The following NDST4 variants were observed in gnomAD, a reference collection of about 807,000 sequenced individuals.
NDST4 encodes the protein N-deacetylase and N-sulfotransferase 4.
NDST4 carries 63 observed loss-of-function variants against 100.8 expected under a neutral mutation model. That is an observed-to-expected ratio of 0.62 (90% CI 0.51 to 0.77). The LOEUF (loss-of-function observed/expected upper bound fraction) is 0.77. Ranked by LOEUF, NDST4 falls within the 30% of genes least tolerant of loss-of-function variation. The pLI is 0.00. For missense variants in NDST4, 943 were observed against 1,018.4 expected, an observed-to-expected ratio of 0.93 and a Z score of 1.01; for synonymous variants, 377 against 361.8, an observed-to-expected ratio of 1.04 and a Z score of -0.48.
chr4:114,869,485 A>G (rs1724101915), intron 7 of NDST4, among the ~76,000 whole-genome samples: 2 of 152,106 alleles, frequency 1.3e-5, no homozygotes, highest in Admixed American at 1.3e-4. Flanking sequence ...AATAATCACC[A>G]TTTGTGGGAC....
intron 2 of NDST4, among the ~76,000 whole-genome samples, chr4:114,995,764 A>G (rs888882509): frequency 6.6e-6 from 1 of 152,110 alleles, no homozygotes; most frequent in African/African-American, 2.4e-5. Context: ...GTAACTTACT[A>G]TGCAAAAAAC....
chr4:114,878,922 A>G (rs1177492939), intron 6 of NDST4, among the ~76,000 whole-genome samples: 2 of 152,058 alleles, frequency 1.3e-5, no homozygotes, highest in Non-Finnish European at 2.9e-5. Context: ...TGATAATATA[A>G]TTTCTGGTTA....
chr4:114,896,312 C>T (rs75042590), intron 6 of NDST4, among the ~76,000 whole-genome samples: 1,929 of 152,048 alleles, frequency 0.013, 44 homozygotes, highest in African/African-American at 0.044. Context: ...GTGAAGGTAT[C>T]ATCACCTGCT....
chr4:115,084,236 G>A (rs1340022601), intron 1 of NDST4, among the ~76,000 whole-genome samples: 1 of 152,216 alleles, frequency 6.6e-6, no homozygotes, highest in African/African-American at 2.4e-5. Context: ...CCCTGCCCTA[G>A]AGAGCTGTGG....
intron 2 of NDST4, among the ~76,000 whole-genome samples, chr4:114,979,527 T>C (rs80161423): frequency 0.015 from 2,240 of 151,920 alleles, 61 homozygotes; most frequent in African/African-American, 0.051. Context: ...TTTTTAATTT[T>C]TGTCAGTAAC....
chr4:114,986,266 A>C (rs946414461), intron 2 of NDST4, among the ~76,000 whole-genome samples: 4 of 152,186 alleles, frequency 2.6e-5, no homozygotes, highest in African/African-American at 9.6e-5. Flanking sequence ...CAGTGTGTTC[A>C]TTGTGTTGTA....
chr4:114,929,131 T>G (rs553916833), intron 6 of NDST4, among the ~76,000 whole-genome samples: 18 of 151,228 alleles, frequency 1.2e-4, no homozygotes, highest in African/African-American at 4.1e-4. Context: ...TATCTATCTA[T>G]CTATCTATCT....
intron 2 of NDST4, among the ~76,000 whole-genome samples, chr4:114,979,567 G>A (rs1207952619): frequency 5.3e-5 from 8 of 151,552 alleles, no homozygotes; most frequent in Non-Finnish European, 1.5e-5. Context: ...GATAAACATA[G>A]TTCATGGGCC....
Position 115,089,801 on chromosome 4 carries a change from A to G in NDST4, c.-246-12519T>C, listed in dbSNP as rs894756033. ...ACAATGATCTCAGAATCAAGCCTAA[A>G]GTTTTGAAAATTGGAAAACCAATTG... On this transcript the variant is annotated intron_variant, in intron 1 of 13. Transcript: ENST00000264363. Among the ~76,000 whole-genome samples the G allele has an allele frequency of 4.6e-5, 7 of 151,884 alleles. No individual in the cohort carries two copies. The East Asian group carries it at 9.7e-4, about 21-fold the overall frequency.
intron 11 of NDST4, among the ~76,000 whole-genome samples, chr4:114,835,025 TAGTG>T (rs1267605953): frequency 3.3e-5 from 5 of 152,160 alleles, no homozygotes; most frequent in Non-Finnish European, 7.4e-5. Context: ...TCTAGCTAGC[TAGTG>T]GTCCATATAT....
chr4:114,837,232 G>T (rs1723324051), intron 11 of NDST4, among the ~76,000 whole-genome samples: 2 of 151,992 alleles, frequency 1.3e-5, no homozygotes, highest in South Asian at 2.1e-4. Flanking sequence ...TTTTGCACTG[G>T]TTTTTCCTCA....
At chr4:114,937,208 T>C (rs1725648415) in intron 5 of NDST4, 110 bp downstream of exon 5, 3 of 1,085,614 alleles carry the variant, frequency 2.8e-6, no homozygotes, top group Admixed American at 4.1e-5. Flanking sequence ...GTATTTCTGA[T>C]AATCATGTAA....
At chr4:115,022,594 A>C (rs1727882533) in intron 2 of NDST4, among the ~76,000 whole-genome samples, 1 of 150,668 alleles carries the variant, frequency 6.6e-6, no homozygotes, top group African/African-American at 2.5e-5. Context: ...ATGAGACTGG[A>C]GACTTATTCT....
At chr4:115,109,784 C>T (rs1729908246) in intron 1 of NDST4, among the ~76,000 whole-genome samples, 1 of 151,740 alleles carries the variant, frequency 6.6e-6, no homozygotes, top group African/African-American at 2.4e-5. Context: ...CAAAGGGTCA[C>T]CTGAAAACCA....
chr4:115,075,433 A>T (rs74378420), intron 2 of NDST4, among the ~76,000 whole-genome samples: 1 of 152,304 alleles, frequency 6.6e-6, no homozygotes, highest in African/African-American at 2.4e-5. Flanking sequence ...AAACTGCAGC[A>T]TGTACTATAA....
chr4:114,874,643 C>A (rs1278161288), intron 6 of NDST4, among the ~76,000 whole-genome samples: 1 of 152,134 alleles, frequency 6.6e-6, no homozygotes, highest in Non-Finnish European at 1.5e-5. Context: ...TGTGCAGACA[C>A]AGCATTTTAG....
intron 2 of NDST4, among the ~76,000 whole-genome samples, chr4:115,040,400 C>A (rs1170514394): frequency 1.3e-5 from 2 of 150,234 alleles, no homozygotes; most frequent in Non-Finnish European, 3.0e-5. Flanking sequence ...TCAATAATCA[C>A]ATTGAAATTA....
At chr4:114,893,904 T>C (rs1489524850) in intron 6 of NDST4, among the ~76,000 whole-genome samples, 4 of 152,162 alleles carry the variant, frequency 2.6e-5, no homozygotes, top group Non-Finnish European at 5.9e-5. Context: ...TCATCTTGAG[T>C]TAATTTTTGT....
chr4:114,865,727 T>C (rs902598713), intron 7 of NDST4, among the ~76,000 whole-genome samples: 16 of 152,242 alleles, frequency 1.1e-4, no homozygotes, highest in African/African-American at 3.1e-4. Context: ...CAATAAGTGG[T>C]TTGTGTGGGG....
Sources: gnomAD v4.1 joint callset for allele counts (sites outside exome capture counted in the v4.1 genomes callset) on GRCh38, gnomAD v4.1.1 for gene constraint, MANE v1.5 for transcripts, NCBI Gene and HGNC (gene_info 2026-07-23, HGNC 2026-07-21) for gene names.